Variants in CRBN observed in about 807,000 individuals in gnomAD.
The protein encoded by CRBN is protein cereblon.
A neutral mutation model predicts 62.2 loss-of-function variants in CRBN; 53 were observed. The observed-to-expected ratio is 0.85, with a 90% CI of 0.68 to 1.07. The LOEUF (loss-of-function observed/expected upper bound fraction) is 1.07, where lower values mean the gene tolerates loss of function less well. Among genes scored for constraint, CRBN ranks in the 50% least tolerant of loss-of-function variants. The probability of loss-of-function intolerance (pLI) is 0.00; values close to 1 mark genes in which losing one functional copy is unlikely to be tolerated. For synonymous variants in CRBN, 208 were observed against 176.1 expected, an observed-to-expected ratio of 1.18 and a Z score of -1.43; for missense variants, 616 against 531.1, an observed-to-expected ratio of 1.16 and a Z score of -1.57.
chr3:3,173,662 C>T (rs1707717610), intron 3 of CRBN, among the ~76,000 whole-genome samples: 1 of 152,038 alleles, frequency 6.6e-6, no homozygotes, highest in African/African-American at 2.4e-5. Context: ...GTGGTACAAC[C>T]TATGAATTTT....
At chr3:3,175,309 ATG>A in intron 1 of CRBN, 40 bp from the exon 2 acceptor site, 3 of 1,378,154 alleles carry the variant, frequency 2.2e-6, no homozygotes, top group Non-Finnish European at 3.1e-6. Flanking sequence ...AAAAAGATGA[ATG>A]AAAACCTTTC....
intron 10 of CRBN, 113 bp from the exon 11 acceptor site, chr3:3,151,158 C>T (rs1706515031): frequency 1.7e-6 from 2 of 1,143,772 alleles, no homozygotes; most frequent in South Asian, 2.7e-5. Flanking sequence ...ATTAGAGATT[C>T]TAAGTTGAGA....
In CRBN at chr3:3,150,535, C is replaced by A; in HGVS notation, c.*330G>T. 4 of 192,418 alleles carry A rather than the reference C, an allele frequency of 2.1e-5. No homozygotes were observed. The highest frequency in any genetic ancestry group is 3.2e-5 in the Non-Finnish European group (3 of 92,846). 11.9% of individuals were successfully genotyped at this position (192,418 alleles called of 1,614,324 possible). A position where few individuals can be genotyped will look rare whatever the true frequency, so the allele number is the denominator to read the frequency against. ...AATTTAAGATTTTTTTTTTTTTTAA[C>A]ACAGGAAATAATCTCATCATTTCCA... On this transcript the variant is annotated 3_prime_UTR_variant, in exon 11 of 11. Transcript: ENST00000231948.
At chr3:3,159,085 T>C (rs1707030966) in intron 5 of CRBN, among the ~76,000 whole-genome samples, 2 of 152,188 alleles carry the variant, frequency 1.3e-5, no homozygotes, top group Non-Finnish European at 2.9e-5. Context: ...TGATGGTAAG[T>C]TTCCTAAGGC....
intron 5 of CRBN, among the ~76,000 whole-genome samples, chr3:3,160,907 A>G (rs1428099084): frequency 6.6e-6 from 1 of 152,232 alleles, no homozygotes; most frequent in Non-Finnish European, 1.5e-5. Context: ...GGACTATTCA[A>G]AAAGTGGTAG....
rs543170083 is a variant in CRBN at position 3,167,837 on chromosome 3, A to T, written c.528-44T>A. On this transcript the variant is annotated intron_variant, in intron 4 of 10. Coordinates refer to ENST00000231948, the MANE Select transcript of CRBN (RefSeq NM_016302.4). ...AGCATGGTATTCATTTCTAAGATTG[A>T]CTAACTCAAAACTATAAGTTTCTAA... 52 of 1,582,836 alleles carry T rather than the reference A, an allele frequency of 3.3e-5. No homozygotes were observed. The South Asian group carries it at 5.4e-4, about 17-fold the overall frequency.
intron 4 of CRBN, chr3:3,172,242 C>G (rs1237153878): frequency 6.5e-6 from 1 of 154,348 alleles, no homozygotes; most frequent in Non-Finnish European, 1.4e-5. Flanking sequence ...AAAATTCACA[C>G]TGGAGAGGGA....
At chr3:3,151,178 TAC>T in intron 10 of CRBN, 133 bp from the exon 11 acceptor site, 1 of 918,004 alleles carries the variant, frequency 1.1e-6, no homozygotes, top group Non-Finnish European at 1.7e-6. Flanking sequence ...ATTTGATCCA[TAC>T]AGTTCCCTGA....
At chr3:3,173,310 G>C (rs1287043443) in intron 3 of CRBN, among the ~76,000 whole-genome samples, 1 of 152,052 alleles carries the variant, frequency 6.6e-6, no homozygotes, top group Non-Finnish European at 1.5e-5. Context: ...CACCCGCCTC[G>C]GCCTCCCAAA....
Position 3,150,941 on chromosome 3 carries a change from G to A in CRBN, c.1253C>T (p.Thr418Met), listed in dbSNP as rs1367633045. 3.7e-6 allele frequency: 6 copies of A among 1,613,850 alleles called. No homozygotes were observed. The highest frequency in any genetic ancestry group is 1.1e-5 in the South Asian group (1 of 91,074). The change falls in exon 11 of 11, where the codon ACG (threonine) becomes ATG (methionine). Residue 418 changes from threonine to methionine, a missense_variant. By Grantham distance (81) the Thr-to-Met change is moderately conservative. Transcript: ENST00000231948. ...GATCGTGGGCAACAGAGCAGATCGC[G>A]TTAAGCCCCAAAATTTTTGAGGTGA... ...DMSPQKFWGL[T>M]RSALLPTIPD...
intron 5 of CRBN, among the ~76,000 whole-genome samples, chr3:3,158,286 C>T (rs1037602663): frequency 1.3e-5 from 2 of 152,214 alleles, no homozygotes; most frequent in African/African-American, 2.4e-5. Flanking sequence ...TAAGAGGTGG[C>T]GCTCAGCTTC....
intron 5 of CRBN, among the ~76,000 whole-genome samples, chr3:3,166,655 T>C (rs1707362765): frequency 6.6e-6 from 1 of 152,166 alleles, no homozygotes. Context: ...TTAACTGAGA[T>C]AAAGACCAGG....
Position 3,156,300 on chromosome 3 carries a change from G to A in CRBN, c.688-19C>T, listed in dbSNP as rs1232624333. The A allele has an allele frequency of 6.2e-7, 1 of 1,611,216 alleles. No homozygotes were observed. ...ACTTTCTCTGAAAACAAAACAAAAA[G>A]GCACTTAAAAAACCCCACAGAATAA... On this transcript the variant is annotated intron_variant, in intron 5 of 10. Coordinates refer to ENST00000231948, the MANE Select transcript of CRBN (RefSeq NM_016302.4).
chr3:3,166,205 G>A (rs765122946), intron 5 of CRBN, among the ~76,000 whole-genome samples: 26 of 152,104 alleles, frequency 1.7e-4, no homozygotes, highest in African/African-American at 6.3e-4. Context: ...CTGAATTATG[G>A]GGGCAGGTCT....
intron 5 of CRBN, among the ~76,000 whole-genome samples, chr3:3,164,413 C>A (rs1438331364): frequency 6.6e-6 from 1 of 152,156 alleles, no homozygotes; most frequent in Non-Finnish European, 1.5e-5. Flanking sequence ...GAAGATCAAA[C>A]CAGCCACAAA....
At chr3:3,174,005 C>A (rs1482278703) in intron 3 of CRBN, 54 bp downstream of exon 3, 8 of 1,452,148 alleles carry the variant, frequency 5.5e-6, no homozygotes, top group African/African-American at 1.4e-5. Flanking sequence ...ACACTGACCA[C>A]TGCAATTACC....
At chr3:3,153,325 A>G in intron 9 of CRBN, 99 bp downstream of exon 9, 1 of 737,666 alleles carries the variant, frequency 1.4e-6, no homozygotes, top group South Asian at 1.5e-5. Flanking sequence ...AATGTTTGTA[A>G]CTTTAAGGTA....
At chr3:3,149,888 C>CAAATGTGGA (rs1706372228), downstream of CRBN, 1 of 152,082 alleles carries the variant, frequency 6.6e-6, no homozygotes, top group African/African-American at 2.4e-5. Flanking sequence ...AGTTATCATA[C>CAAATGTGGA]AAATGTGGAA....
chr3:3,177,094 A>G lies in CRBN; in HGVS notation c.68-1825T>C, dbSNP rs547397087. On this transcript the variant is annotated intron_variant, in intron 1 of 10. Coordinates refer to ENST00000231948, the MANE Select transcript of CRBN (RefSeq NM_016302.4). ...GCAGCTAAATATCCTACAATGCACG[A>G]GACAATCCCACCCAAAGAATTCTCC... Among the ~76,000 whole-genome samples, 630 of 152,242 alleles carry G rather than the reference A, an allele frequency of 4.1e-3. 2 individuals are homozygous for G. Among genetic ancestry groups the G allele is most frequent in the Non-Finnish European group, 7.7e-3 (522 of 68,012 alleles).
Sources: allele counts gnomAD v4.1 joint callset (sites outside exome capture counted in the v4.1 genomes callset), GRCh38; gene constraint gnomAD v4.1.1; transcripts MANE v1.5; gene names NCBI Gene and HGNC (gene_info 2026-07-23, HGNC 2026-07-21).